Variants in MEGF6 observed in about 807,000 individuals in gnomAD.
MEGF6 encodes multiple epidermal growth factor-like domains protein 6.
A neutral mutation model predicts 207.1 loss-of-function variants in MEGF6; 184 were observed. The observed-to-expected ratio is 0.89, with a 90% CI of 0.79 to 1.00. The LOEUF (loss-of-function observed/expected upper bound fraction) is 1.00. Among genes scored for constraint, MEGF6 ranks in the 50% least tolerant of loss-of-function variants. The pLI is 0.00. For synonymous variants in MEGF6, 1,038 were observed against 910.0 expected (o/e 1.14, Z -2.53); for missense variants, 2,282 against 2,202.9 (o/e 1.04, Z -0.72).
chr1:3,542,179 C>T (rs1438254643), intron 4 of MEGF6, among the ~76,000 whole-genome samples: 1 of 152,228 alleles, frequency 6.6e-6, no homozygotes, highest in Non-Finnish European at 1.5e-5. Context: ...GGGGCTGAAT[C>T]CAGCCCCAGT....
chr1:3,520,416 C>G (rs1044351316), intron 5 of MEGF6, among the ~76,000 whole-genome samples: 2 of 152,232 alleles, frequency 1.3e-5, no homozygotes, highest in African/African-American at 4.8e-5. Flanking sequence ...CCCCCAGACA[C>G]TCGGGCCAGA....
At chr1:3,596,868 G>A (rs1644076499) in intron 2 of MEGF6, among the ~76,000 whole-genome samples, 1 of 152,014 alleles carries the variant, frequency 6.6e-6, no homozygotes, top group Admixed American at 6.6e-5. Context: ...AGGGAAGGTG[G>A]GAGGTGGGGG....
intron 11 of MEGF6, among the ~76,000 whole-genome samples, chr1:3,509,599 A>G (rs1641255588): frequency 6.6e-6 from 1 of 152,192 alleles, no homozygotes; most frequent in Admixed American, 6.5e-5. Flanking sequence ...TCACGTGGTC[A>G]GGACAGGTGC....
chr1:3,519,500 C>T lies in MEGF6; in HGVS notation c.605-3973G>A, dbSNP rs1312917107. On this transcript the variant is annotated intron_variant, in intron 5 of 36. Transcript: ENST00000356575. The stretch of plus-strand genomic sequence containing the variant: ...CCTACTCGCTGCTGAGCGTCAGCTC[C>T]GACCTGCCCTCCTGGGGGAGGCCCC... Among the ~76,000 whole-genome samples, 7 of 152,264 alleles carry T rather than the reference C, an allele frequency of 4.6e-5. No individual in the cohort carries two copies. The East Asian group carries it at 7.7e-4, about 17-fold the overall frequency.
At chr1:3,541,774 T>G (rs1484673262) in intron 4 of MEGF6, among the ~76,000 whole-genome samples, 3 of 144,320 alleles carry the variant, frequency 2.1e-5, no homozygotes, top group Admixed American at 2.0e-4. Context: ...TGGGCGGGGA[T>G]GGGTGGGAAG....
chr1:3,524,784 C>T (rs1641898193), intron 4 of MEGF6, among the ~76,000 whole-genome samples: 1 of 152,202 alleles, frequency 6.6e-6, no homozygotes, highest in South Asian at 2.1e-4. Flanking sequence ...GTCTTGGCAG[C>T]TGTCCTAAGT....
At chr1:3,567,993 G>A (rs1202812776) in intron 4 of MEGF6, among the ~76,000 whole-genome samples, 1 of 152,200 alleles carries the variant, frequency 6.6e-6, no homozygotes, top group Admixed American at 6.5e-5. Flanking sequence ...GCCGTGCTGT[G>A]GGACAGGCCC....
intron 5 of MEGF6, among the ~76,000 whole-genome samples, chr1:3,521,623 G>A (rs892172727): frequency 1.8e-4 from 28 of 152,156 alleles, no homozygotes; most frequent in Admixed American, 8.5e-4. Context: ...GCCCCCAGGG[G>A]ACTCCGTCCC....
rs192478610 is a variant in MEGF6, at chr1:3,567,708, C to T, written c.481+12117G>A. 5.9e-5 allele frequency among the ~76,000 whole-genome samples: 9 copies of T among 152,326 alleles called. No individual in the cohort carries two copies. The East Asian group carries it at 9.7e-4, about 16-fold the overall frequency. ...CGACCCAGAGCGTCACCCTGCAGGC[C>T]GGGGTTGTCCAGCCAGGGGCAGGGG... On this transcript the variant is annotated intron_variant, in intron 4 of 36. Coordinates refer to ENST00000356575, the MANE Select transcript of MEGF6 (RefSeq NM_001409.4).
chr1:3,550,668 A>G (rs543760452), intron 4 of MEGF6, among the ~76,000 whole-genome samples: 1 of 152,362 alleles, frequency 6.6e-6, no homozygotes, highest in South Asian at 2.1e-4. Flanking sequence ...ATCTGGCCCC[A>G]TGCCAGGGGC....
At chr1:3,580,618 G>A (rs1229833361) in intron 3 of MEGF6, among the ~76,000 whole-genome samples, 2 of 152,124 alleles carry the variant, frequency 1.3e-5, no homozygotes, top group Non-Finnish European at 2.9e-5. Flanking sequence ...GACCCACACT[G>A]CCTCACTGCC....
Position 3,563,278 on chromosome 1 carries a change from GACGCTGGGC to G in MEGF6, c.481+16538_481+16546del, listed in dbSNP as rs112144215. On this transcript the variant is annotated intron_variant, in intron 4 of 36. Coordinates refer to ENST00000356575, the MANE Select transcript of MEGF6 (RefSeq NM_001409.4). The stretch of plus-strand genomic sequence containing the variant: ...CTCCCTGTCACTCACATATGGCCAC[GACGCTGGGC>G]ACTGCAGGCCCAGAGTCAAGCCCCA... Among the ~76,000 whole-genome samples, 1,272 of 152,244 alleles carry G rather than the reference GACGCTGGGC, an allele frequency of 8.4e-3. 20 individuals carry two copies. The highest frequency in any genetic ancestry group is 0.028 in the African/African-American group (1,174 of 41,550).
chr1:3,620,434 G>T, the MEGF6 span, among the ~76,000 whole-genome samples: 1 of 152,250 alleles, frequency 6.6e-6, no homozygotes, highest in Non-Finnish European at 1.5e-5. Context: ...AAGGGGTCAA[G>T]GGACAGCCCA....
chr1:3,541,294 G>C (rs1335440131), intron 4 of MEGF6, among the ~76,000 whole-genome samples: 1 of 152,116 alleles, frequency 6.6e-6, no homozygotes, highest in Admixed American at 6.5e-5. Flanking sequence ...GGAGGCTTTC[G>C]GCCACCATGA....
chr1:3,508,071 G>A (rs1184690451), intron 13 of MEGF6, 148 bp from the exon 14 acceptor site: 4 of 838,880 alleles, frequency 4.8e-6, no homozygotes, highest in Non-Finnish European at 7.3e-6. Context: ...CCATGCTCAT[G>A]GCAGACATCA....
At position 3,499,704 on chromosome 1, in the gene MEGF6, C is replaced by G. The variant is rs1640770377; in HGVS notation, c.2849G>C (p.Gly950Ala). Residue 950 changes from glycine (G) to alanine (A), a missense_variant, in exon 23 of 37, where the codon GGC (glycine) becomes GCC (alanine). Physicochemically the swap from Gly to Ala is moderately conservative, Grantham distance 60. Transcript: ENST00000356575. ...ACTGCGACAGTCCAATCCAAAGAAGCCGGCCGGGCAGGCTGCAGACAGCGG... is the reference window on the plus strand; with the variant it reads ...ACTGCGACAGTCCAATCCAAAGAAGGCGGCCGGGCAGGCTGCAGACAGCGG... ...GTFCEHACPA[G>A]FFGLDCRSAC... The G allele has an allele frequency of 6.2e-7, 1 of 1,604,008 alleles. No homozygotes were observed. The highest frequency in any genetic ancestry group is 8.5e-7 in the Non-Finnish European group (1 of 1,176,434).
intron 3 of MEGF6, among the ~76,000 whole-genome samples, chr1:3,587,244 G>A (rs911742904): frequency 2.8e-4 from 42 of 152,340 alleles, no homozygotes; most frequent in Admixed American, 1.4e-3. Flanking sequence ...TAACACCAGC[G>A]GGCCTTCAGC....
In MEGF6 at chr1:3,553,209, C is replaced by A. The variant is rs181440801; in HGVS notation, c.481+26616G>T. Among the ~76,000 whole-genome samples the A allele has an allele frequency of 4.6e-5, 7 of 150,764 alleles. No individual in the cohort carries two copies. The East Asian group carries it at 1.4e-3, about 30-fold the overall frequency. ...CTCTTCCTTCCCTCCCTGGCTCCAG[C>A]CTGAGGATGGGGATCCACGGCCGAT... On this transcript the variant is annotated intron_variant, in intron 4 of 36. Transcript: ENST00000356575.
intron 4 of MEGF6, chr1:3,531,494 C>A (rs1328503631): frequency 2.8e-6 from 3 of 1,063,142 alleles, no homozygotes; most frequent in Non-Finnish European, 2.3e-6. Flanking sequence ...CGCAGACAAC[C>A]GAGGGAGCCG....
Sources: allele counts gnomAD v4.1 joint callset (sites outside exome capture counted in the v4.1 genomes callset), GRCh38; gene constraint gnomAD v4.1.1; transcripts MANE v1.5; gene names NCBI Gene and HGNC (gene_info 2026-07-23, HGNC 2026-07-21).